The following IDO2 variants were observed in gnomAD, a reference collection of about 807,000 sequenced individuals.
The protein encoded by IDO2 is indoleamine 2,3-dioxygenase 2.
IDO2 carries 46 observed loss-of-function variants against 45.1 expected under a neutral mutation model. That is an observed-to-expected ratio of 1.02 (90% CI 0.80 to 1.30). The LOEUF is 1.30. Ranked by LOEUF, IDO2 falls within the 50% of genes most tolerant of loss-of-function variation. IDO2 has a pLI of 0.00. For missense variants in IDO2, 544 were observed against 491.8 expected, an observed-to-expected ratio of 1.11 and a Z score of -1.00; for synonymous variants, 218 against 184.9, an observed-to-expected ratio of 1.18 and a Z score of -1.45.
intron 4 of IDO2, among the ~76,000 whole-genome samples, chr8:39,982,331 C>T (rs1158812181): frequency 1.3e-5 from 2 of 151,754 alleles, no homozygotes; most frequent in Non-Finnish European, 2.9e-5. Context: ...TCTCGGGCCC[C>T]AGTTTATGTT....
exon 1 of IDO2, chr8:39,935,185 G>A: frequency 3.7e-6 from 6 of 1,613,462 alleles, no homozygotes; most frequent in Non-Finnish European, 5.1e-6. Context: ...CACCCACCAG[G>A]CCACCACAAG....
At chr8:39,948,092 G>T (rs1006776493) in intron 1 of IDO2, among the ~76,000 whole-genome samples, 1 of 152,182 alleles carries the variant, frequency 6.6e-6, no homozygotes, top group Admixed American at 6.5e-5. Context: ...GCCCAGCCTC[G>T]AGTGCTATTT....
intron 3 of IDO2, among the ~76,000 whole-genome samples, chr8:39,978,212 G>A (rs1302738694): frequency 6.6e-6 from 1 of 152,166 alleles, no homozygotes; most frequent in African/African-American, 2.4e-5. Context: ...CCCACGTGGC[G>A]GTGCCTGGAG....
intron 1 of IDO2, among the ~76,000 whole-genome samples, chr8:39,946,471 G>A (rs1028535885): frequency 1.5e-4 from 23 of 152,284 alleles, no homozygotes; most frequent in Admixed American, 1.4e-3. Flanking sequence ...GCTGGGCATG[G>A]TGGCACGCAC....
intron 3 of IDO2, among the ~76,000 whole-genome samples, chr8:39,969,645 C>A (rs913902664): frequency 2.6e-5 from 4 of 152,154 alleles, no homozygotes. Flanking sequence ...GAAGCCAAGG[C>A]GGGGAGATCA....
At chr8:39,998,429 C>T (rs548831409) in intron 8 of IDO2, 73 of 152,192 alleles carry the variant, frequency 4.8e-4, no homozygotes, top group African/African-American at 1.7e-3. Context: ...ATAATGACTC[C>T]TCCAGGGCAG....
At chr8:39,944,100 T>C (rs55992954) in intron 1 of IDO2, among the ~76,000 whole-genome samples, 62,969 of 151,928 alleles carry the variant, frequency 0.41, 13,242 homozygotes, top group East Asian at 0.59. Context: ...TTTTTTAGCT[T>C]TCATATTTAT....
chr8:39,934,708 A>G (rs1807519190), exon 1 of IDO2: 1 of 186,936 alleles, frequency 5.3e-6, no homozygotes, highest in African/African-American at 2.4e-5. Flanking sequence ...AGCTTTTAAA[A>G]ACAAGAGCTC....
chr8:40,006,151 C>A (rs1045045357), intron 9 of IDO2, among the ~76,000 whole-genome samples: 1 of 152,178 alleles, frequency 6.6e-6, no homozygotes, highest in African/African-American at 2.4e-5. Flanking sequence ...TAGTCCCCAA[C>A]TCAATACAGT....
chr8:39,985,227 C>T (rs887002589), intron 5 of IDO2: 14 of 474,496 alleles, frequency 3.0e-5, no homozygotes, highest in African/African-American at 2.8e-4. Context: ...CTGTGCCCAG[C>T]CTAATAATAT....
chr8:39,991,596 A>C, intron 8 of IDO2, among the ~76,000 whole-genome samples: 1 of 110,924 alleles, frequency 9.0e-6, no homozygotes. Flanking sequence ...TGTGAGATGG[A>C]GTCTCACTCT....
At chr8:40,012,349 A>G (rs1436549014) in intron 9 of IDO2, among the ~76,000 whole-genome samples, 1 of 152,216 alleles carries the variant, frequency 6.6e-6, no homozygotes, top group Admixed American at 6.5e-5. Context: ...AAAAATGAAG[A>G]TAGAAAATTG....
At chr8:39,994,958 A>T (rs1393843298) in intron 8 of IDO2, among the ~76,000 whole-genome samples, 2 of 152,132 alleles carry the variant, frequency 1.3e-5, no homozygotes, top group Non-Finnish European at 1.5e-5. Context: ...TCAAGAGCAC[A>T]CTACTAGTTG....
At chr8:40,000,226 A>C (rs769024216) in intron 8 of IDO2, among the ~76,000 whole-genome samples, 1 of 152,106 alleles carries the variant, frequency 6.6e-6, no homozygotes, top group Non-Finnish European at 1.5e-5. Context: ...ATCCTGGCCA[A>C]TATGATGAAA....
intron 5 of IDO2, 60 bp downstream of exon 5, chr8:39,982,830 T>A (rs934470072): frequency 9.5e-6 from 10 of 1,053,898 alleles, no homozygotes; most frequent in Admixed American, 2.7e-5. Flanking sequence ...ACACCCAGGC[T>A]TTTTTTTATA....
At position 39,959,979 on chromosome 8, in the gene IDO2, A is replaced by C. The variant is rs941620027; in HGVS notation, c.100-3629A>C. Among the ~76,000 whole-genome samples the C allele has an allele frequency of 4.1e-4, 62 of 152,136 alleles. 2 individuals carry two copies. Among genetic ancestry groups the C allele is most frequent in the Non-Finnish European group, 1.3e-4 (9 of 68,018 alleles). ...GAGCGATAGAGTGAAACTGTGTCTC[A>C]ATCAATCAATCAATCAGAGATTGTG... is the stretch of plus-strand genomic sequence containing the variant. On this transcript the variant is annotated intron_variant, in intron 2 of 10. Transcript: ENST00000502986.
intron 8 of IDO2, among the ~76,000 whole-genome samples, chr8:40,001,244 CATTTTT>C (rs1802131720): frequency 1.0e-5 from 1 of 97,852 alleles, no homozygotes. Flanking sequence ...TGGCTTTCCT[CATTTTT>C]TTTTTTTTTT....
intron 1 of IDO2, among the ~76,000 whole-genome samples, chr8:39,945,222 A>G (rs1807712408): frequency 1.3e-5 from 2 of 152,274 alleles, no homozygotes; most frequent in African/African-American, 2.4e-5. Flanking sequence ...TCAGAAGAAT[A>G]AGACAGAGAT....
At chr8:39,953,531 A>C (rs1184356691) in intron 2 of IDO2, among the ~76,000 whole-genome samples, 1 of 152,068 alleles carries the variant, frequency 6.6e-6, no homozygotes, top group African/African-American at 2.4e-5. Context: ...CTAGTGTTTA[A>C]ATTTTTACTT....
Sources: allele counts gnomAD v4.1 joint callset (sites outside exome capture counted in the v4.1 genomes callset), GRCh38; gene constraint gnomAD v4.1.1; transcripts MANE v1.5; gene names NCBI Gene and HGNC (gene_info 2026-07-23, HGNC 2026-07-21).